The following FAM220A variants were observed in gnomAD, a reference collection of about 807,000 sequenced individuals.
FAM220A encodes family with sequence similarity 220 member A.
For missense variants in FAM220A, 392 were observed against 321.6 expected (o/e 1.22, Z -1.68); for synonymous variants, 141 against 130.7 (o/e 1.08, Z -0.54).
chr7:6,340,750 T>C (rs1419134670), intron 1 of FAM220A, among the ~76,000 whole-genome samples: 1 of 150,918 alleles, frequency 6.6e-6, no homozygotes, highest in Admixed American at 6.6e-5. Context: ...ATACAAAAAA[T>C]TAGCCGGGCG....
intron 1 of FAM220A, among the ~76,000 whole-genome samples, chr7:6,347,195 C>T (rs934134869): frequency 1.3e-5 from 2 of 152,062 alleles, no homozygotes; most frequent in African/African-American, 2.4e-5. Flanking sequence ...AAGAAAAAGG[C>T]AACTGGAATT....
chr7:6,333,822 G>T (rs1230728527), intron 1 of FAM220A, among the ~76,000 whole-genome samples: 2 of 147,136 alleles, frequency 1.4e-5, no homozygotes, highest in African/African-American at 5.0e-5. Flanking sequence ...GCCTAGAATG[G>T]TCTCGAACTC....
Position 6,330,011 on chromosome 7 carries a change from G to GGTCGCCGCATCATTAAAAAA in FAM220A, c.*363_*364insTTTTTTAATGATGCGGCGAC. ...TTACAAGTATCCACTTCCATTGGGT[G>GGTCGCCGCATCATTAAAAAA]ATCAGACAAGTCAAAAGGACACACA... On this transcript the variant is annotated 3_prime_UTR_variant, in exon 2 of 2. Coordinates refer to ENST00000313324, the MANE Select transcript of FAM220A (RefSeq NM_001037163.2). 1 of 244,150 alleles carries GGTCGCCGCATCATTAAAAAA rather than the reference G, an allele frequency of 4.1e-6. No homozygotes were observed. The highest frequency in any genetic ancestry group is 8.5e-6 in the Non-Finnish European group (1 of 117,968). The allele number at this position is 244,150 out of a possible 1,614,324, so 15.1% of individuals were successfully genotyped here. A position where few individuals can be genotyped will look rare whatever the true frequency, so the allele number is the denominator to read the frequency against.
chr7:6,333,689 C>T (rs1781684720), intron 1 of FAM220A, among the ~76,000 whole-genome samples: 1 of 150,638 alleles, frequency 6.6e-6, no homozygotes, highest in Non-Finnish European at 1.5e-5. Flanking sequence ...AGAGCAGGAA[C>T]AGAAGTTTAT....
In FAM220A at chr7:6,330,750, G is replaced by C; in HGVS notation, c.405C>G (p.Pro135=). The C allele has an allele frequency of 6.2e-7, 1 of 1,614,134 alleles. No homozygotes were observed. Among genetic ancestry groups the C allele is most frequent in the Non-Finnish European group, 8.5e-7 (1 of 1,180,020 alleles). ...GTCCTCTGTGGCCGTCAGTGGCCCT[G>C]GGCCCTCCTCCCAGCCAGTCTCGCC... is the stretch of plus-strand genomic sequence containing the variant. The part of the protein sequence containing the change: ...LGRRDWLGGG[P]RATDGHRGQC... Residue 135 remains proline (P), a synonymous_variant, in exon 2 of 2, where the codon CCC becomes CCG. Coordinates refer to ENST00000313324, the MANE Select transcript of FAM220A (RefSeq NM_001037163.2).
At chr7:6,335,270 T>G (rs185614203) in intron 1 of FAM220A, among the ~76,000 whole-genome samples, 1 of 151,810 alleles carries the variant, frequency 6.6e-6, no homozygotes, top group Non-Finnish European at 1.5e-5. Context: ...TTGCCCAGGC[T>G]GGAGGGCAAT....
chr7:6,341,848 A>G (rs1781863745), intron 1 of FAM220A: 1 of 151,698 alleles, frequency 6.6e-6, no homozygotes, highest in Non-Finnish European at 1.5e-5. Context: ...AAATACAAAC[A>G]TTACCCAGGC....
At position 6,346,741 on chromosome 7, in the gene FAM220A, C is replaced by A. The variant is rs551677483; in HGVS notation, c.-82+1832G>T. ...TTAGGTTTCATGTTAATTACCATCA[C>A]CTGTGTCAGGCACCAGCCACCTGAA... On this transcript the variant is annotated intron_variant, in intron 1 of 1. Transcript: ENST00000313324. Among the ~76,000 whole-genome samples the A allele has an allele frequency of 2.6e-3, 402 of 152,230 alleles. 2 individuals are homozygous for A. Among genetic ancestry groups the A allele is most frequent in the Middle Eastern group, 0.01 (3 of 294 alleles).
At position 6,331,642 on chromosome 7, in the gene FAM220A, A is replaced by G. The variant is rs145174164; in HGVS notation, c.-81-407T>C. 2.8e-3 allele frequency among the ~76,000 whole-genome samples: 433 copies of G among 151,998 alleles called. 2 individuals are homozygous for G. The highest frequency in any genetic ancestry group is 0.01 in the African/African-American group (424 of 41,480). ...TGATCCACTCGCCTTGGCCTCCCAA[A>G]GTACTGGGATTACAGGCGTGAGCCA... On this transcript the variant is annotated intron_variant, in intron 1 of 1. Transcript: ENST00000313324.
rs148346665 is a variant in FAM220A, at chr7:6,347,089, G to A, written c.-82+1484C>T. 1.2e-4 allele frequency among the ~76,000 whole-genome samples: 18 copies of A among 152,314 alleles called. No individual in the cohort carries two copies. In the East Asian group the frequency reaches 3.5e-3, roughly 29 times the overall value. ...TGACTGTAATCCTAGTGCTTTGGGAGGGCAAGGCAGGAGGATCACTTGAGG... is the reference window on the plus strand; with the variant it reads ...TGACTGTAATCCTAGTGCTTTGGGAAGGCAAGGCAGGAGGATCACTTGAGG... On this transcript the variant is annotated intron_variant, in intron 1 of 1. Transcript: ENST00000313324.
chr7:6,334,309 G>A (rs534150912), intron 1 of FAM220A, among the ~76,000 whole-genome samples: 1 of 151,418 alleles, frequency 6.6e-6, no homozygotes, highest in Non-Finnish European at 1.5e-5. Context: ...GCCTAGCTGG[G>A]TGGATCACCT....
intron 1 of FAM220A, 89 bp downstream of exon 1, chr7:6,348,484 G>C (rs1236896798): frequency 7.3e-6 from 3 of 409,444 alleles, no homozygotes; most frequent in Non-Finnish European, 1.3e-5. Context: ...TCAGCTTCTA[G>C]GCAGTGGCAG....
At chr7:6,333,024 G>A (rs1044945344) in intron 1 of FAM220A, among the ~76,000 whole-genome samples, 3 of 151,962 alleles carry the variant, frequency 2.0e-5, no homozygotes, top group East Asian at 1.9e-4. Context: ...AGACGTGCTG[G>A]CGGGTGCCTG....
At chr7:6,333,179 A>C (rs1472295335) in intron 1 of FAM220A, among the ~76,000 whole-genome samples, 7 of 151,878 alleles carry the variant, frequency 4.6e-5, no homozygotes, top group Non-Finnish European at 7.4e-5. Context: ...AAAAAAAAAA[A>C]AACAAAAAAC....
At chr7:6,335,313 C>A (rs1423983140) in intron 1 of FAM220A, among the ~76,000 whole-genome samples, 1 of 151,838 alleles carries the variant, frequency 6.6e-6, no homozygotes, top group Non-Finnish European at 1.5e-5. Context: ...ACCTCTGCCT[C>A]CTGGGTTCAA....
chr7:6,346,154 C>T (rs932458320), intron 1 of FAM220A, among the ~76,000 whole-genome samples: 1 of 152,086 alleles, frequency 6.6e-6, no homozygotes, highest in African/African-American at 2.4e-5. Context: ...ACGGCAAATA[C>T]TGGGCCCCTA....
chr7:6,338,154 A>C (rs569361921), intron 1 of FAM220A, among the ~76,000 whole-genome samples: 2 of 152,254 alleles, frequency 1.3e-5, no homozygotes, highest in Admixed American at 1.3e-4. Flanking sequence ...ACAGCCCTCA[A>C]CTAACCTCTT....
chr7:6,332,927 A>G (rs577251417), intron 1 of FAM220A, among the ~76,000 whole-genome samples: 34 of 152,118 alleles, frequency 2.2e-4, no homozygotes, highest in Non-Finnish European at 4.9e-4. Flanking sequence ...TTGGGAGGCC[A>G]AGGCGGACAA....
chr7:6,338,074 G>T (rs555659456), intron 1 of FAM220A, among the ~76,000 whole-genome samples: 1 of 152,086 alleles, frequency 6.6e-6, no homozygotes, highest in Non-Finnish European at 1.5e-5. Context: ...AAAGCACTGC[G>T]ATTACAGGCG....
Sources: gnomAD v4.1 joint callset for allele counts (sites outside exome capture counted in the v4.1 genomes callset) on GRCh38, gnomAD v4.1.1 for gene constraint, MANE v1.5 for transcripts, NCBI Gene and HGNC (gene_info 2026-07-23, HGNC 2026-07-21) for gene names.